AGBL4: variants seen among roughly 807,000 people sequenced by gnomAD.
The protein encoded by AGBL4 is cytosolic carboxypeptidase 6.
AGBL4 carries 58 observed loss-of-function variants against 66.4 expected under a neutral mutation model. The ratio of observed to expected loss-of-function variants is 0.87; its 90% CI spans 0.71 to 1.09. AGBL4 has a LOEUF of 1.09. Ranked by LOEUF, AGBL4 falls within the 50% of genes least tolerant of loss-of-function variation. The pLI is 0.00. For missense variants in AGBL4, 579 were observed against 631.0 expected, an observed-to-expected ratio of 0.92 and a Z score of 0.88; for synonymous variants, 234 against 222.9, an observed-to-expected ratio of 1.05 and a Z score of -0.44.
chr1:49,583,088 C>T (rs1644576972), intron 3 of AGBL4, among the ~76,000 whole-genome samples: 1 of 152,058 alleles, frequency 6.6e-6, no homozygotes, highest in Admixed American at 6.5e-5. Flanking sequence ...GCTTCCTGGC[C>T]CTGGTTTCTG....
At chr1:49,816,012 TC>T (rs1240455402) in intron 2 of AGBL4, among the ~76,000 whole-genome samples, 1 of 151,982 alleles carries the variant, frequency 6.6e-6, no homozygotes, top group Admixed American at 6.6e-5. Flanking sequence ...CCCATCAGCC[TC>T]CCCAGTCACT....
At chr1:49,441,944 C>T (rs557850864) in intron 3 of AGBL4, among the ~76,000 whole-genome samples, 2 of 152,174 alleles carry the variant, frequency 1.3e-5, no homozygotes, top group African/African-American at 2.4e-5. Flanking sequence ...CCACTCACCA[C>T]GGCTGACCTG....
At chr1:49,548,348 G>A (rs1375988864) in intron 3 of AGBL4, among the ~76,000 whole-genome samples, 2 of 152,156 alleles carry the variant, frequency 1.3e-5, no homozygotes, top group African/African-American at 4.8e-5. Context: ...TGTTGAAGAG[G>A]ATTTGTGAGA....
chr1:49,346,875 A>G (rs536716711), intron 3 of AGBL4, among the ~76,000 whole-genome samples: 8 of 152,326 alleles, frequency 5.3e-5, no homozygotes, highest in Admixed American at 3.9e-4. Flanking sequence ...TGAGACTGAG[A>G]CCTGCTGGAC....
Position 48,544,120 on chromosome 1 carries a change from G to A in AGBL4, c.1268-4382C>T, listed in dbSNP as rs554938073. 3.3e-5 allele frequency among the ~76,000 whole-genome samples: 5 copies of A among 152,340 alleles called. No individual in the cohort carries two copies. The South Asian group carries it at 1.0e-3, about 32-fold the overall frequency. On this transcript the variant is annotated intron_variant, in intron 11 of 13. Coordinates refer to ENST00000371839, the MANE Select transcript of AGBL4 (RefSeq NM_032785.4). ...GTGAAATGTACTGCAGGCTCACTGGGCTCTGGGGCTGCCACCTGCTTTCTT... is the reference window on the plus strand; with the variant it reads ...GTGAAATGTACTGCAGGCTCACTGGACTCTGGGGCTGCCACCTGCTTTCTT...
chr1:48,925,765 T>C (rs1389747314), intron 5 of AGBL4, among the ~76,000 whole-genome samples: 1 of 152,232 alleles, frequency 6.6e-6, no homozygotes, highest in Non-Finnish European at 1.5e-5. Flanking sequence ...GCCAACTATA[T>C]ATATGTGTGT....
chr1:49,334,716 G>A (rs528839153), intron 3 of AGBL4, among the ~76,000 whole-genome samples: 1 of 152,264 alleles, frequency 6.6e-6, no homozygotes, highest in Admixed American at 6.5e-5. Flanking sequence ...TAGGAATTAG[G>A]CTCATAGATC....
intron 10 of AGBL4, among the ~76,000 whole-genome samples, chr1:48,587,489 A>G (rs1192077001): frequency 6.6e-6 from 1 of 151,808 alleles, no homozygotes. Flanking sequence ...GGAGCCTGGC[A>G]TGGTGGTGTG....
chr1:49,085,534 G>A (rs1038787544), intron 4 of AGBL4, among the ~76,000 whole-genome samples: 1 of 151,922 alleles, frequency 6.6e-6, no homozygotes, highest in African/African-American at 2.4e-5. Context: ...ACTACAAGCA[G>A]CTCATGTGTG....
intron 4 of AGBL4, among the ~76,000 whole-genome samples, chr1:49,093,761 T>C (rs1645041612): frequency 6.6e-6 from 1 of 152,180 alleles, no homozygotes; most frequent in South Asian, 2.1e-4. Flanking sequence ...ACCTAGGTTC[T>C]TTAACTTCAA....
chr1:49,608,754 TA>T (rs1272258696), intron 3 of AGBL4, among the ~76,000 whole-genome samples: 2 of 151,800 alleles, frequency 1.3e-5, no homozygotes, highest in East Asian at 1.9e-4. Flanking sequence ...GAAAAAGAAC[TA>T]AAAAAAAGAG....
At chr1:48,937,935 G>T (rs911066270) in intron 5 of AGBL4, among the ~76,000 whole-genome samples, 2 of 152,154 alleles carry the variant, frequency 1.3e-5, no homozygotes, top group Admixed American at 1.3e-4. Flanking sequence ...AAACAGACCT[G>T]GGTTTTAATT....
chr1:49,430,074 A>G (rs1390730837), intron 3 of AGBL4, among the ~76,000 whole-genome samples: 1 of 151,826 alleles, frequency 6.6e-6, no homozygotes, highest in African/African-American at 2.4e-5. Flanking sequence ...CTCAAACTCA[A>G]ACTCCTGAGC....
downstream of AGBL4, among the ~76,000 whole-genome samples, chr1:48,529,296 A>G (rs950220528): frequency 3.9e-5 from 6 of 151,918 alleles, no homozygotes; most frequent in East Asian, 7.8e-4. Flanking sequence ...TAGAGAAGGG[A>G]TTTCCAACTC....
chr1:48,714,320 G>A (rs1647013960), intron 6 of AGBL4, among the ~76,000 whole-genome samples: 1 of 152,128 alleles, frequency 6.6e-6, no homozygotes, highest in Non-Finnish European at 1.5e-5. Context: ...GCCACCCCAG[G>A]GAGGACAAAT....
chr1:49,288,905 G>A (rs959180141), intron 3 of AGBL4, among the ~76,000 whole-genome samples: 3 of 151,982 alleles, frequency 2.0e-5, no homozygotes, highest in Non-Finnish European at 4.4e-5. Context: ...CCTCTCTAGA[G>A]GAAAATAATA....
chr1:49,804,213 T>C (rs1187338780), intron 2 of AGBL4, among the ~76,000 whole-genome samples: 1 of 152,220 alleles, frequency 6.6e-6, no homozygotes, highest in Admixed American at 6.6e-5. Flanking sequence ...AAGCCAGCCG[T>C]GTCCAACCCT....
rs1267258430 is a variant in AGBL4 at position 49,653,031 on chromosome 1, G to A, written c.282+44282C>T. On this transcript the variant is annotated intron_variant, in intron 3 of 13. Coordinates refer to ENST00000371839, the MANE Select transcript of AGBL4 (RefSeq NM_032785.4). ...CTGACTGGGTGAGACCTCCCAACAGGAGTCTCCAGAAACCTCATGCAGGAG... is the reference window on the plus strand; with the variant it reads ...CTGACTGGGTGAGACCTCCCAACAGAAGTCTCCAGAAACCTCATGCAGGAG... Among the ~76,000 whole-genome samples, 3 of 152,224 alleles carry A rather than the reference G, an allele frequency of 2.0e-5. No individual in the cohort carries two copies. In the East Asian group the frequency reaches 5.8e-4, roughly 30 times the overall value.
intron 2 of AGBL4, among the ~76,000 whole-genome samples, chr1:49,827,621 G>A (rs1645545200): frequency 6.6e-6 from 1 of 152,196 alleles, no homozygotes; most frequent in Non-Finnish European, 1.5e-5. Context: ...GGTCTGCAAT[G>A]TGTTTGTTGT....
Sources: allele counts gnomAD v4.1 joint callset (sites outside exome capture counted in the v4.1 genomes callset), GRCh38; gene constraint gnomAD v4.1.1; transcripts MANE v1.5; gene names NCBI Gene and HGNC (gene_info 2026-07-23, HGNC 2026-07-21).